The following ETS1 variants were observed in gnomAD, a reference collection of about 807,000 sequenced individuals.
The protein encoded by ETS1 is protein C-ets-1.
In ETS1, 15 loss-of-function variants were observed where a neutral mutation model predicts 58.6. The ratio of observed to expected loss-of-function variants is 0.26; its 90% CI spans 0.17 to 0.39. The LOEUF is 0.39. Among genes scored for constraint, ETS1 ranks in the 10% least tolerant of loss-of-function variants. ETS1 has a pLI of 1.00. For synonymous variants in ETS1, 214 were observed against 218.2 expected (o/e 0.98, Z 0.17); for missense variants, 417 against 610.5 (o/e 0.68, Z 3.34).
At chr11:128,513,982 C>T (rs1863456106) in intron 3 of ETS1, among the ~76,000 whole-genome samples, 1 of 152,198 alleles carries the variant, frequency 6.6e-6, no homozygotes, top group Non-Finnish European at 1.5e-5. Flanking sequence ...CATCACACAA[C>T]TCTAATTGCA....
intron 8 of ETS1, among the ~76,000 whole-genome samples, chr11:128,478,439 G>A (rs1284165878): frequency 2.0e-5 from 2 of 99,554 alleles, no homozygotes; most frequent in Non-Finnish European, 4.3e-5. Flanking sequence ...AGGAGGTAGG[G>A]AGGGAGAGAG....
At chr11:128,495,990 T>G (rs1208165316) in intron 3 of ETS1, among the ~76,000 whole-genome samples, 2 of 152,046 alleles carry the variant, frequency 1.3e-5, no homozygotes, top group African/African-American at 4.8e-5. Context: ...TCCACACACA[T>G]GCACACCCAT....
intron 3 of ETS1, among the ~76,000 whole-genome samples, chr11:128,516,092 A>G (rs904576440): frequency 2.0e-5 from 3 of 152,242 alleles, no homozygotes; most frequent in East Asian, 3.8e-4. Context: ...CTGTATCTGC[A>G]TGGAGATTAT....
chr11:128,507,288 C>T (rs989953466), intron 3 of ETS1, among the ~76,000 whole-genome samples: 12 of 151,986 alleles, frequency 7.9e-5, no homozygotes, highest in African/African-American at 2.7e-4. Context: ...GGAGAGGGAG[C>T]GGAGTGGGCA....
At chr11:128,487,489 C>T (rs1482353139) in intron 5 of ETS1, among the ~76,000 whole-genome samples, 2 of 152,010 alleles carry the variant, frequency 1.3e-5, no homozygotes, top group Non-Finnish European at 2.9e-5. Context: ...GCCTGTAATC[C>T]CAGTGTTTTG....
rs73582824 is a variant in ETS1, at chr11:128,482,726, C to G, written c.862+2097G>C. ...GTAGAATCCAACTGGATTAGATACT[C>G]AGTTATGCTGCTGCGCTCATGTAGG... is the stretch of plus-strand genomic sequence containing the variant. On this transcript the variant is annotated intron_variant, in intron 7 of 9. Transcript: ENST00000392668. Among the ~76,000 whole-genome samples, 387 of 152,274 alleles carry G rather than the reference C, an allele frequency of 2.5e-3. 3 individuals are homozygous for G. The highest frequency in any genetic ancestry group is 8.8e-3 in the African/African-American group (366 of 41,552).
intron 1 of ETS1, among the ~76,000 whole-genome samples, chr11:128,583,184 G>A: frequency 6.6e-6 from 1 of 152,178 alleles, no homozygotes; most frequent in South Asian, 2.1e-4. Flanking sequence ...TAACTTGGTT[G>A]AACTCATGAG....
At chr11:128,560,844 C>G (rs960406851) in intron 2 of ETS1, among the ~76,000 whole-genome samples, 8 of 151,872 alleles carry the variant, frequency 5.3e-5, no homozygotes, top group African/African-American at 1.9e-4. Context: ...GAATTAAGTA[C>G]CAATGTGTAG....
At chr11:128,530,619 G>A (rs1388902582) in intron 3 of ETS1, among the ~76,000 whole-genome samples, 1 of 152,104 alleles carries the variant, frequency 6.6e-6, no homozygotes, top group East Asian at 1.9e-4. Context: ...TCACAAAAAG[G>A]CCTTGGGTGG....
rs1242152700 is a variant in ETS1 at position 128,464,243 on chromosome 11, A to G, written c.1124-616T>C. On this transcript the variant is annotated intron_variant, in intron 8 of 9. Transcript: ENST00000392668. The surrounding 1 kb of genome is among the most constrained non-coding windows in gnomAD (Gnocchi z 4.1). ...TTACAGGAAAGCACCCAAAGGAAAA[A>G]AAAAAAAAAGCATCATTACTATTTG... is the stretch of plus-strand genomic sequence containing the variant. Among the ~76,000 whole-genome samples the G allele has an allele frequency of 6.6e-6, 1 of 151,858 alleles. No homozygotes were observed. Among genetic ancestry groups the G allele is most frequent in the African/African-American group, 2.4e-5 (1 of 41,276 alleles).
intron 6 of ETS1, 111 bp from the exon 7 acceptor site, chr11:128,485,182 G>T: frequency 1.1e-6 from 1 of 910,798 alleles, no homozygotes; most frequent in Non-Finnish European, 1.6e-6. Flanking sequence ...AGAGAATAAG[G>T]GAAAATACTT....
chr11:128,504,444 G>C (rs1405719928), intron 3 of ETS1, among the ~76,000 whole-genome samples: 2 of 152,334 alleles, frequency 1.3e-5, no homozygotes, highest in East Asian at 3.9e-4. Flanking sequence ...ACAACTCCTT[G>C]GAGGGATGTT....
intron 3 of ETS1, among the ~76,000 whole-genome samples, chr11:128,530,569 G>A (rs543920945): frequency 6.6e-6 from 1 of 152,200 alleles, no homozygotes; most frequent in East Asian, 1.9e-4. Flanking sequence ...TCAGAAACAT[G>A]TGTTCTCCCC....
chr11:128,464,743 C>T lies in ETS1; in HGVS notation c.1124-1116G>A, dbSNP rs1282039958. Among the ~76,000 whole-genome samples, 4 of 152,162 alleles carry T rather than the reference C, an allele frequency of 2.6e-5. No individual in the cohort carries two copies. In the East Asian group the frequency reaches 7.7e-4, roughly 29 times the overall value. Reference sequence around the variant, plus strand: ...GCAAATTTGTCTGATCCAAAGTAAACTGAGATTTAACAGGAAACAAACTTT... The same window carrying T: ...GCAAATTTGTCTGATCCAAAGTAAATTGAGATTTAACAGGAAACAAACTTT... On this transcript the variant is annotated intron_variant, in intron 8 of 9. Transcript: ENST00000392668. This position sits in a 1 kb window ranked among gnomAD's most constrained non-coding sequence, Gnocchi z 4.1.
chr11:128,512,982 G>A (rs1343373363), intron 3 of ETS1, among the ~76,000 whole-genome samples: 1 of 152,248 alleles, frequency 6.6e-6, no homozygotes, highest in Non-Finnish European at 1.5e-5. Flanking sequence ...GCCTTCCGCT[G>A]CAACTGCAGC....
At chr11:128,509,588 A>G (rs1863337945) in intron 3 of ETS1, among the ~76,000 whole-genome samples, 1 of 140,932 alleles carries the variant, frequency 7.1e-6, no homozygotes, top group South Asian at 2.2e-4. Flanking sequence ...CTTTCCCACT[A>G]CTAACACATC....
intron 3 of ETS1, chr11:128,536,401 T>A (rs1863973084): frequency 6.6e-6 from 1 of 152,196 alleles, no homozygotes; most frequent in African/African-American, 2.4e-5. Flanking sequence ...CAAATAAAAA[T>A]ATAAGATGCA....
intron 1 of ETS1, among the ~76,000 whole-genome samples, chr11:128,576,943 C>T (rs1441183743): frequency 3.9e-5 from 6 of 152,152 alleles, no homozygotes; most frequent in Non-Finnish European, 8.8e-5. Context: ...CCAGGGTTAG[C>T]GGCTCCTTGT....
intron 3 of ETS1, among the ~76,000 whole-genome samples, chr11:128,541,191 G>A (rs1049829244): frequency 1.3e-5 from 2 of 152,154 alleles, no homozygotes; most frequent in Non-Finnish European, 2.9e-5. Flanking sequence ...GTCTCAGCAC[G>A]GCAGCCAGGT....
Sources: allele counts gnomAD v4.1 joint callset (sites outside exome capture counted in the v4.1 genomes callset), GRCh38; gene constraint gnomAD v4.1.1; non-coding constraint Gnocchi (gnomAD v3.1); transcripts MANE v1.5; gene names NCBI Gene and HGNC (gene_info 2026-07-23, HGNC 2026-07-21).